The following BCKDHB variants were observed in gnomAD, a reference collection of about 807,000 sequenced individuals.
BCKDHB encodes 2-oxoisovalerate dehydrogenase subunit beta, mitochondrial.
BCKDHB carries 41 observed loss-of-function variants against 48.5 expected under a neutral mutation model. That is an observed-to-expected ratio of 0.85 (90% CI 0.66 to 1.10). The LOEUF (loss-of-function observed/expected upper bound fraction) is 1.10. BCKDHB is among the 50% of genes least tolerant of loss of function. The pLI, the probability that BCKDHB is intolerant of heterozygous loss-of-function variation, is 0.00. For synonymous variants in BCKDHB, 201 were observed against 174.8 expected (o/e 1.15, Z -1.18); for missense variants, 496 against 494.2 (o/e 1.00, Z -0.03).
chr6:80,354,285 TG>T, the BCKDHB span, among the ~76,000 whole-genome samples: 1 of 152,170 alleles, frequency 6.6e-6, no homozygotes, highest in South Asian at 2.1e-4. Flanking sequence ...TGGAGTGCAA[TG>T]GGGTGATCTC....
chr6:80,149,983 A>AT (rs1368213207), intron 3 of BCKDHB, among the ~76,000 whole-genome samples: 1 of 84,232 alleles, frequency 1.2e-5, no homozygotes, highest in African/African-American at 5.0e-5. Context: ...CATAATAATA[A>AT]TAAAAAAAAA....
intron 1 of BCKDHB, among the ~76,000 whole-genome samples, chr6:80,125,101 A>G (rs1770273435): frequency 6.6e-6 from 1 of 152,218 alleles, no homozygotes; most frequent in Middle Eastern, 3.2e-3. Flanking sequence ...CACCTTCATC[A>G]ATGATCTTAG....
intron 9 of BCKDHB, among the ~76,000 whole-genome samples, chr6:80,278,152 G>A (rs1444878704): frequency 6.6e-6 from 1 of 152,134 alleles, no homozygotes; most frequent in African/African-American, 2.4e-5. Flanking sequence ...TTGATGAGTA[G>A]TTTACTGCAA....
At chr6:80,431,895 C>CA in the BCKDHB span, among the ~76,000 whole-genome samples, 2 of 152,220 alleles carry the variant, frequency 1.3e-5, no homozygotes, top group Non-Finnish European at 2.9e-5. Context: ...CTGATGGTGA[C>CA]AAAATCTCTC....
At chr6:80,302,321 T>C (rs1235934669) in intron 9 of BCKDHB, among the ~76,000 whole-genome samples, 1 of 152,206 alleles carries the variant, frequency 6.6e-6, no homozygotes, top group Non-Finnish European at 1.5e-5. Flanking sequence ...ACAAAATCAA[T>C]GTACAAAAAT....
At chr6:80,141,884 G>T (rs970034771) in intron 3 of BCKDHB, among the ~76,000 whole-genome samples, 4 of 152,036 alleles carry the variant, frequency 2.6e-5, no homozygotes, top group African/African-American at 9.7e-5. Flanking sequence ...TGCTAAATTA[G>T]TTTCCCAAAC....
chr6:80,232,739 A>G (rs1775982070), intron 8 of BCKDHB, among the ~76,000 whole-genome samples: 2 of 142,256 alleles, frequency 1.4e-5, no homozygotes, highest in Non-Finnish European at 3.0e-5. Context: ...TATGTTCTAT[A>G]TAGAGATATG....
chr6:80,414,144 G>A, the BCKDHB span, among the ~76,000 whole-genome samples: 5 of 151,450 alleles, frequency 3.3e-5, no homozygotes, highest in Non-Finnish European at 5.9e-5. Flanking sequence ...TTTTTAATGG[G>A]GTTATTTGTT....
chr6:80,392,665 A>G, the BCKDHB span, among the ~76,000 whole-genome samples: 2 of 151,682 alleles, frequency 1.3e-5, no homozygotes, highest in African/African-American at 2.4e-5. Context: ...TTTTGATGCT[A>G]TAGCAAATCA....
intron 9 of BCKDHB, among the ~76,000 whole-genome samples, chr6:80,283,093 T>G (rs1766435782): frequency 6.6e-6 from 1 of 152,078 alleles, no homozygotes; most frequent in Non-Finnish European, 1.5e-5. Flanking sequence ...TTTCTGCAGG[T>G]TAGTGTCTGT....
intron 6 of BCKDHB, among the ~76,000 whole-genome samples, chr6:80,181,714 A>T (rs935499395): frequency 1.3e-5 from 2 of 152,194 alleles, no homozygotes; most frequent in African/African-American, 4.8e-5. Flanking sequence ...ATAGGCTTGG[A>T]GTTGACATAC....
chr6:80,216,632 A>C (rs1395914696), intron 8 of BCKDHB, among the ~76,000 whole-genome samples: 2 of 152,204 alleles, frequency 1.3e-5, no homozygotes, highest in Non-Finnish European at 2.9e-5. Context: ...ATAGCAGTGA[A>C]AAGAAAGAAA....
At chr6:80,387,218 G>A in the BCKDHB span, among the ~76,000 whole-genome samples, 1 of 152,090 alleles carries the variant, frequency 6.6e-6, no homozygotes, top group Non-Finnish European at 1.5e-5. Context: ...GACTCATCCT[G>A]TGGTCGTTTC....
At chr6:80,399,201 T>C in the BCKDHB span, among the ~76,000 whole-genome samples, 1 of 151,780 alleles carries the variant, frequency 6.6e-6, no homozygotes, top group Non-Finnish European at 1.5e-5. Flanking sequence ...CAAAAGAAAA[T>C]GATGCTTTCT....
At position 80,271,845 on chromosome 6, in the gene BCKDHB, C is replaced by T. The variant is rs1354681935; in HGVS notation, c.952-1290C>T. Among the ~76,000 whole-genome samples the T allele has an allele frequency of 9.1e-5, 4 of 43,854 alleles. No individual in the cohort carries two copies. The South Asian group carries it at 2.7e-3, about 30-fold the overall frequency. 28.8% of individuals were successfully genotyped at this position (43,854 alleles called of 152,430 possible). On this transcript the variant is annotated intron_variant, in intron 8 of 9. Transcript: ENST00000320393. ...AACAAAAAAAGAATGATCTGATTGT[C>T]AAATCTTTTTTTTTTCATTGTTTAT...
the BCKDHB span, among the ~76,000 whole-genome samples, chr6:80,434,951 T>A: frequency 6.6e-6 from 1 of 152,186 alleles, no homozygotes; most frequent in African/African-American, 2.4e-5. Context: ...GGAGTTTTTT[T>A]CTTTGTGCAG....
At chr6:80,232,272 T>C (rs1775957344) in intron 8 of BCKDHB, among the ~76,000 whole-genome samples, 1 of 151,942 alleles carries the variant, frequency 6.6e-6, no homozygotes, top group Admixed American at 6.6e-5. Flanking sequence ...TAGCACTTTC[T>C]TTAACCCTTT....
the BCKDHB span, among the ~76,000 whole-genome samples, chr6:80,399,180 T>A: frequency 6.6e-6 from 1 of 152,126 alleles, no homozygotes; most frequent in Non-Finnish European, 1.5e-5. Flanking sequence ...AAGCATTCCC[T>A]TGAAAACTGG....
intron 8 of BCKDHB, among the ~76,000 whole-genome samples, chr6:80,215,001 A>C (rs1411554057): frequency 6.6e-6 from 1 of 152,218 alleles, no homozygotes; most frequent in Admixed American, 6.5e-5. Flanking sequence ...AGGGTAGACT[A>C]TAATAAAGTC....
Sources: gnomAD v4.1 joint callset for allele counts (sites outside exome capture counted in the v4.1 genomes callset) on GRCh38, gnomAD v4.1.1 for gene constraint, MANE v1.5 for transcripts, NCBI Gene and HGNC (gene_info 2026-07-23, HGNC 2026-07-21) for gene names.